The following DSG2 variants were observed in gnomAD, a reference collection of about 807,000 sequenced individuals.
DSG2 encodes the protein desmoglein-2.
Under a neutral mutation model 75.6 loss-of-function variants are expected in DSG2, and 45 were observed. The ratio of observed to expected loss-of-function variants is 0.60; its 90% confidence interval spans 0.47 to 0.76. The LOEUF is 0.76. Ranked by LOEUF, DSG2 falls within the 30% of genes least tolerant of loss-of-function variation. The probability of loss-of-function intolerance (pLI) is 0.00; values close to 1 mark genes in which losing one functional copy is unlikely to be tolerated. For missense variants in DSG2, 1,267 were observed against 1,357.4 expected (o/e 0.93, Z 1.05); for synonymous variants, 429 against 483.9 (o/e 0.89, Z 1.49).
chr18:31,510,398 A>C (rs1450977509), intron 1 of DSG2, among the ~76,000 whole-genome samples: 1 of 152,240 alleles, frequency 6.6e-6, no homozygotes, highest in African/African-American at 2.4e-5. Context: ...TCTCTACTTT[A>C]AAGGAAAGAC....
At chr18:31,503,501 G>A (rs1040414556) in intron 1 of DSG2, among the ~76,000 whole-genome samples, 3 of 152,296 alleles carry the variant, frequency 2.0e-5, no homozygotes, top group South Asian at 4.2e-4. Context: ...GAATGTATAG[G>A]AAGATAGGCC....
At chr18:31,501,053 C>A (rs548049023) in intron 1 of DSG2, among the ~76,000 whole-genome samples, 1 of 152,256 alleles carries the variant, frequency 6.6e-6, no homozygotes, top group South Asian at 2.1e-4. Flanking sequence ...TTATTCTGAA[C>A]ATCACTAATA....
rs12326068 is a variant in DSG2 at position 31,531,401 on chromosome 18, G to A, written c.1280+149G>A. On this transcript the variant is annotated intron_variant, in intron 9 of 14. Transcript: ENST00000261590. ...TACAAGTTAAATTTTCCAAAGATGTGTCTATAACTGAGAGATGAGGGGGAA... is the reference window on the plus strand; with the variant it reads ...TACAAGTTAAATTTTCCAAAGATGTATCTATAACTGAGAGATGAGGGGGAA... The A allele has an allele frequency of 0.096, 89,997 of 935,376 alleles. 4,876 individuals are homozygous for A. The highest frequency in any genetic ancestry group is 0.16 in the African/African-American group (9,841 of 60,008). 57.9% of individuals were successfully genotyped at this position (935,376 alleles called of 1,614,324 possible).
intron 2 of DSG2, 133 bp downstream of exon 2, chr18:31,518,407 C>A: frequency 3.9e-6 from 3 of 775,710 alleles, no homozygotes; most frequent in Non-Finnish European, 6.7e-6. Context: ...CAAACAAGTG[C>A]AGAGGAGCTT....
intron 12 of DSG2, among the ~76,000 whole-genome samples, chr18:31,540,795 T>A (rs1320264875): frequency 6.6e-6 from 1 of 152,244 alleles, no homozygotes; most frequent in East Asian, 1.9e-4. Flanking sequence ...CACTTTATTA[T>A]TTCTAATTAC....
rs1448121277 is a variant in DSG2, at chr18:31,498,238, G to GAGGCGA, written c.-13_-8dup. On this transcript the variant is annotated 5_prime_UTR_variant, in exon 1 of 15. Coordinates refer to ENST00000261590, the MANE Select transcript of DSG2 (RefSeq NM_001943.5). The stretch of plus-strand genomic sequence containing the variant: ...CGGAGCGGTGCGGCGGCGGGAGGCG[G>GAGGCGA]AGGCGAGGGTGCGATGGCGCGGAGC... 10 of 1,254,376 alleles carry GAGGCGA rather than the reference G, an allele frequency of 8.0e-6. No individual in the cohort carries two copies. The South Asian group carries it at 2.4e-4, about 30-fold the overall frequency. The allele number at this position is 1,254,376 out of a possible 1,614,324, so 77.7% of individuals were successfully genotyped here. A position where few individuals can be genotyped will look rare whatever the true frequency, so the allele number is the denominator to read the frequency against.
At position 31,546,855 on chromosome 18, in the gene DSG2, T is replaced by C. The variant is rs2073316135; in HGVS notation, c.*112T>C. ...ACAGACACACAGAGACACATACACA[T>C]TGATCTTAAAATTTTTCTCAGTCAC... On this transcript the variant is annotated 3_prime_UTR_variant, in exon 15 of 15. Transcript: ENST00000261590. 3.3e-6 allele frequency: 4 copies of C among 1,216,900 alleles called. No individual in the cohort carries two copies. Among genetic ancestry groups the C allele is most frequent in the East Asian group, 2.4e-5 (1 of 41,390 alleles). 75.4% of individuals were successfully genotyped at this position (1,216,900 alleles called of 1,614,324 possible).
At chr18:31,536,160 A>G (rs2073228614) in intron 10 of DSG2, 42 bp from the exon 11 acceptor site, 2 of 1,588,388 alleles carry the variant, frequency 1.3e-6, no homozygotes, top group Middle Eastern at 3.3e-4. Context: ...GTTGTCAGCA[A>G]TAGGAACAGA....
chr18:31,526,447 C>CATTTAAGCT (rs2073163533), intron 8 of DSG2, among the ~76,000 whole-genome samples: 1 of 152,146 alleles, frequency 6.6e-6, no homozygotes, highest in African/African-American at 2.4e-5. Flanking sequence ...CTACTATATG[C>CATTTAAGCT]ATTTAAGCTA....
Position 31,519,692 on chromosome 18 carries a change from A to T in DSG2, c.82-111A>T, listed in dbSNP as rs1470934609. 6 of 1,152,632 alleles carry T rather than the reference A, an allele frequency of 5.2e-6. No individual in the cohort carries two copies. The Admixed American group carries it at 1.2e-4, about 23-fold the overall frequency. 71.4% of individuals were successfully genotyped at this position (1,152,632 alleles called of 1,614,324 possible). The stretch of plus-strand genomic sequence containing the variant: ...CAATGAAGCCTCATAGGAAATACGA[A>T]GCATACCTTAAAATTTGCACTATTT... On this transcript the variant is annotated intron_variant, in intron 2 of 14. Coordinates refer to ENST00000261590, the MANE Select transcript of DSG2 (RefSeq NM_001943.5).
At chr18:31,540,234 C>T (rs2073257592) in intron 12 of DSG2, among the ~76,000 whole-genome samples, 2 of 152,124 alleles carry the variant, frequency 1.3e-5, no homozygotes, top group Non-Finnish European at 2.9e-5. Flanking sequence ...TCCCTGGTGT[C>T]AAAAAGGTTG....
chr18:31,520,794 T>G lies in DSG2; in HGVS notation c.217-9T>G. On this transcript the variant is annotated splice_polypyrimidine_tract_variant and intron_variant, in intron 3 of 14. Transcript: ENST00000261590. ...TCAACCTGAAACATTCCTGTTATTTTTATGTTAGATACATTCTGATCTTGC... is the reference window on the plus strand; with the variant it reads ...TCAACCTGAAACATTCCTGTTATTTGTATGTTAGATACATTCTGATCTTGC... The G allele has an allele frequency of 6.2e-7, 1 of 1,613,244 alleles. No homozygotes were observed. Among genetic ancestry groups the G allele is most frequent in the Middle Eastern group, 1.7e-4 (1 of 6,000 alleles).
intron 1 of DSG2, among the ~76,000 whole-genome samples, chr18:31,511,362 A>G (rs536816364): frequency 1.3e-5 from 2 of 152,332 alleles, no homozygotes; most frequent in South Asian, 2.1e-4. Context: ...GTCTCCAGAC[A>G]TTACCAAATA....
At position 31,545,942 on chromosome 18, in the gene DSG2, G is replaced by A. The variant is rs1273127836; in HGVS notation, c.2556G>A (p.Glu852=). The change falls in exon 15 of 15, where the codon GAG becomes GAA. Residue 852 remains glutamate, a synonymous_variant. Transcript: ENST00000261590. ...GQKIDINKEI[E]QRQKPATETS... ...AAATAGATATAAATAAGGAAATTGA[G>A]CAGAGACAAAAACCTGCCACAGAAA... 6.2e-7 allele frequency: 1 copy of A among 1,614,110 alleles called. No individual in the cohort carries two copies. Among genetic ancestry groups the A allele is most frequent in the East Asian group, 2.2e-5 (1 of 44,888 alleles).
rs2073000987 is a variant in DSG2, at chr18:31,499,179, T to G, written c.45+883T>G. Among the ~76,000 whole-genome samples the G allele has an allele frequency of 7.2e-5, 11 of 152,344 alleles. 1 individual carries two copies. The South Asian group carries it at 2.3e-3, about 32-fold the overall frequency. On this transcript the variant is annotated intron_variant, in intron 1 of 14. Coordinates refer to ENST00000261590, the MANE Select transcript of DSG2 (RefSeq NM_001943.5). ...GTGACAGTTATGCTGCAAATATAGG[T>G]GTGAGTTCACCTTCCAGAGAGTTCA...
intron 4 of DSG2, 29 bp from the exon 5 acceptor site, chr18:31,521,070 A>T (rs775988026): frequency 6.2e-7 from 1 of 1,613,368 alleles, no homozygotes; most frequent in Non-Finnish European, 8.5e-7. Flanking sequence ...CTTAGCTTAA[A>T]TCTAATCTTA....
intron 14 of DSG2, 61 bp downstream of exon 14, chr18:31,542,913 G>T: frequency 9.2e-7 from 1 of 1,091,630 alleles, no homozygotes. Flanking sequence ...ATGTGAATGT[G>T]ATATTATTAG....
At chr18:31,545,685 C>A in intron 14 of DSG2, 36 bp from the exon 15 acceptor site, 1 of 1,604,408 alleles carries the variant, frequency 6.2e-7, no homozygotes, top group South Asian at 1.1e-5. Context: ...AATTATTTGT[C>A]TGTTTTGTGT....
rs182891603 is a variant in DSG2 at position 31,503,402 on chromosome 18, G to C, written c.45+5106G>C. Among the ~76,000 whole-genome samples the C allele has an allele frequency of 2.2e-4, 34 of 152,310 alleles. 1 individual carries two copies. The East Asian group carries it at 5.6e-3, about 25-fold the overall frequency. On this transcript the variant is annotated intron_variant, in intron 1 of 14. Transcript: ENST00000261590. Reference sequence around the variant, plus strand: ...AAATAGATTCTAGGTAGAGAGAAGAGCATCTAAAAGGCCTGAAAATGATAG... The same window carrying C: ...AAATAGATTCTAGGTAGAGAGAAGACCATCTAAAAGGCCTGAAAATGATAG...
Sources: gnomAD v4.1 joint callset for allele counts (sites outside exome capture counted in the v4.1 genomes callset) on GRCh38, gnomAD v4.1.1 for gene constraint, MANE v1.5 for transcripts, NCBI Gene and HGNC (gene_info 2026-07-23, HGNC 2026-07-21) for gene names.